The following UGT1A3 variants were observed in gnomAD, a reference collection of about 807,000 sequenced individuals.
UGT1A3 encodes UDP-glucuronosyltransferase 1A3.
Under a neutral mutation model 41.0 loss-of-function variants are expected in UGT1A3, and 31 were observed. The observed-to-expected ratio is 0.76, with a 90% CI of 0.57 to 1.02. UGT1A3 has a LOEUF of 1.02. UGT1A3 is among the 50% of genes least tolerant of loss of function. The pLI is 0.00. For synonymous variants in UGT1A3, 262 were observed against 257.6 expected (o/e 1.02, Z -0.17); for missense variants, 737 against 671.0 (o/e 1.10, Z -1.09).
chr2:233,747,249 G>A (rs1310551227), intron 1 of UGT1A3: 19 of 1,600,704 alleles, frequency 1.2e-5, no homozygotes, highest in Non-Finnish European at 1.6e-5. Flanking sequence ...TGCTGTGGCT[G>A]GCCACAGGAG....
intron 1 of UGT1A3, among the ~76,000 whole-genome samples, chr2:233,735,526 GT>G (rs2078663821): frequency 6.6e-6 from 1 of 152,088 alleles, no homozygotes. Flanking sequence ...GGTAAATATT[GT>G]TATGAGTGAA....
chr2:233,729,702 C>T lies in UGT1A3; in HGVS notation c.576C>T (p.Ser192=). ...FKGTQCPNPS[S]YIPRLLTTNS... is the part of the protein sequence containing the mutation. ...GCACACAGTGTCCAAACCCTTCCTC[C>T]TATATTCCTAGATTACTAACAACCA... is the stretch of plus-strand genomic sequence containing the variant. Residue 192 remains serine (S), a synonymous_variant, in exon 1 of 5, where the codon TCC becomes TCT. Coordinates refer to ENST00000482026, the MANE Select transcript of UGT1A3 (RefSeq NM_019093.4). 4 of 1,613,950 alleles carry T rather than the reference C, an allele frequency of 2.5e-6. No homozygotes were observed. Among genetic ancestry groups the T allele is most frequent in the Non-Finnish European group, 3.4e-6 (4 of 1,179,858 alleles).
intron 1 of UGT1A3, among the ~76,000 whole-genome samples, chr2:233,732,611 G>A (rs570664429): frequency 1.3e-5 from 2 of 152,306 alleles, no homozygotes; most frequent in East Asian, 3.9e-4. Flanking sequence ...AGATCAAATG[G>A]TTGTAGATGT....
chr2:233,767,172 A>G lies in UGT1A3; in HGVS notation c.999+7A>G, dbSNP rs375883067. On this transcript the variant is annotated splice_region_variant and intron_variant, in intron 2 of 4. Coordinates refer to ENST00000482026, the MANE Select transcript of UGT1A3 (RefSeq NM_019093.4). The stretch of plus-strand genomic sequence containing the variant: ...GGGCAAAATCCCTCAGACAGTAAGA[A>G]GATTCTATACCATGGCCTCATATCT... The G allele has an allele frequency of 1.2e-6, 2 of 1,614,098 alleles. No individual in the cohort carries two copies. The highest frequency in any genetic ancestry group is 3.3e-5 in the Admixed American group (2 of 60,024).
intron 1 of UGT1A3, among the ~76,000 whole-genome samples, chr2:233,738,308 G>T (rs1018461415): frequency 7.9e-5 from 12 of 152,194 alleles, no homozygotes; most frequent in African/African-American, 2.7e-4. Flanking sequence ...TGTCTTTATA[G>T]CAGTGTGTGA....
intron 1 of UGT1A3, among the ~76,000 whole-genome samples, chr2:233,741,146 C>T (rs1691577481): frequency 6.6e-6 from 1 of 151,880 alleles, no homozygotes; most frequent in Admixed American, 6.6e-5. Flanking sequence ...CCATTTATGA[C>T]AGCACTAATC....
At chr2:233,733,555 G>A (rs1474248933) in intron 1 of UGT1A3, among the ~76,000 whole-genome samples, 2 of 152,168 alleles carry the variant, frequency 1.3e-5, no homozygotes, top group East Asian at 1.9e-4. Context: ...TTCTGCATCT[G>A]TTGAAATAAT....
chr2:233,772,618 A>C lies in UGT1A3; in HGVS notation c.*59A>C. 6.4e-7 allele frequency: 1 copy of C among 1,572,114 alleles called. No homozygotes were observed. The highest frequency in any genetic ancestry group is 2.4e-5 in the East Asian group (1 of 42,372). ...CATTCCCTAGTCATTTCCAAACTTG[A>C]AAACAGAATCAGTGTTAAATTCATT... On this transcript the variant is annotated 3_prime_UTR_variant, in exon 5 of 5. Coordinates refer to ENST00000482026, the MANE Select transcript of UGT1A3 (RefSeq NM_019093.4).
chr2:233,745,708 C>G (rs571256965), intron 1 of UGT1A3, among the ~76,000 whole-genome samples: 5 of 149,444 alleles, frequency 3.3e-5, no homozygotes, highest in South Asian at 2.1e-4. Context: ...AACAAGTGAT[C>G]CAGAATGGCT....
At chr2:233,743,710 G>A (rs199592554) in intron 1 of UGT1A3, 114 of 1,367,318 alleles carry the variant, frequency 8.3e-5, no homozygotes, top group East Asian at 1.8e-4. Context: ...CCCCCGCCTC[G>A]CCATAGCGGT....
At chr2:233,736,086 A>G (rs1432268125) in intron 1 of UGT1A3, among the ~76,000 whole-genome samples, 1 of 152,152 alleles carries the variant, frequency 6.6e-6, no homozygotes, top group Admixed American at 6.5e-5. Flanking sequence ...GTTCTCCTGG[A>G]TAATATCCTG....
At chr2:233,740,771 A>G (rs1027399973) in intron 1 of UGT1A3, 1 of 151,854 alleles carries the variant, frequency 6.6e-6, no homozygotes, top group African/African-American at 2.4e-5. Context: ...AAACCGTTGT[A>G]TAAAAGATGA....
Position 233,772,748 on chromosome 2 carries a change from T to C in UGT1A3, c.*189T>C. 7.0e-7 allele frequency: 1 copy of C among 1,420,206 alleles called. No individual in the cohort carries two copies. The highest frequency in any genetic ancestry group is 9.2e-7 in the Non-Finnish European group (1 of 1,083,550). The allele number at this position is 1,420,206 out of a possible 1,614,324, so 88.0% of individuals were successfully genotyped here. A position where few individuals can be genotyped will look rare whatever the true frequency, so the allele number is the denominator to read the frequency against. ...AGACTCGCTAGTCAGTAAAGATATT[T>C]GAATATGTATCGTGCCCCCTCTGGT... On this transcript the variant is annotated 3_prime_UTR_variant, in exon 5 of 5. Transcript: ENST00000482026.
rs368518074 is a variant in UGT1A3, at chr2:233,743,691, C to A, written c.867+13698C>A. On this transcript the variant is annotated intron_variant, in intron 1 of 4. Coordinates refer to ENST00000482026, the MANE Select transcript of UGT1A3 (RefSeq NM_019093.4). The stretch of plus-strand genomic sequence containing the variant: ...TCGAAGGGCCTGCCGCCTGTGCAGC[C>A]GCCCTCCGCCCCCGCCTCGCCATAG... 5.1e-6 allele frequency: 7 copies of A among 1,367,238 alleles called. No individual in the cohort carries two copies. In the South Asian group the frequency reaches 7.9e-5, roughly 16 times the overall value. 84.7% of individuals were successfully genotyped at this position (1,367,238 alleles called of 1,614,324 possible).
rs538829256 is a variant in UGT1A3 at position 233,747,779 on chromosome 2, T to C, written c.867+17786T>C. 9.3e-4 allele frequency: 1,506 copies of C among 1,613,500 alleles called. 1 individual carries two copies. The highest frequency in any genetic ancestry group is 1.2e-3 in the Non-Finnish European group (1,364 of 1,179,858). On this transcript the variant is annotated intron_variant, in intron 1 of 4. Coordinates refer to ENST00000482026, the MANE Select transcript of UGT1A3 (RefSeq NM_019093.4). ...ACTTTAAGGGCACACAGTGTCCAAA[T>C]CCTTCCTCCTATATTCCTAAGTTAC...
intron 1 of UGT1A3, among the ~76,000 whole-genome samples, chr2:233,746,724 T>G (rs1380174241): frequency 1.3e-5 from 2 of 151,818 alleles, no homozygotes; most frequent in Non-Finnish European, 2.9e-5. Flanking sequence ...GAATTAGCAA[T>G]GGATTCTGCT....
intron 1 of UGT1A3, among the ~76,000 whole-genome samples, chr2:233,764,057 C>T (rs1242895801): frequency 1.3e-5 from 2 of 152,096 alleles, no homozygotes; most frequent in African/African-American, 4.8e-5. Context: ...AAATGAAATG[C>T]ATTTGGGAAG....
At chr2:233,757,592 A>C (rs1473098427) in intron 1 of UGT1A3, among the ~76,000 whole-genome samples, 1 of 143,702 alleles carries the variant, frequency 7.0e-6, no homozygotes, top group Non-Finnish European at 1.5e-5. Context: ...GTCTAATAGC[A>C]AGGACAGATA....
intron 1 of UGT1A3, among the ~76,000 whole-genome samples, chr2:233,757,757 G>C (rs1696714079): frequency 6.6e-6 from 1 of 151,646 alleles, no homozygotes; most frequent in African/African-American, 2.4e-5. Context: ...TGTTTATGTT[G>C]CTCCTTTAGT....
Sources: gnomAD v4.1 joint callset for allele counts (sites outside exome capture counted in the v4.1 genomes callset) on GRCh38, gnomAD v4.1.1 for gene constraint, MANE v1.5 for transcripts, NCBI Gene and HGNC (gene_info 2026-07-23, HGNC 2026-07-21) for gene names.